The following ILF2 variants were observed in gnomAD, a reference collection of about 807,000 sequenced individuals.
ILF2 encodes the protein interleukin enhancer binding factor 2.
Under a neutral mutation model 55.3 loss-of-function variants are expected in ILF2, and 9 were observed. The ratio of observed to expected loss-of-function variants is 0.16; its 90% confidence interval spans 0.10 to 0.28. The LOEUF is 0.28. Among genes scored for constraint, ILF2 ranks in the 10% least tolerant of loss-of-function variants. ILF2 has a pLI of 1.00. For missense variants in ILF2, 266 were observed against 474.9 expected, an observed-to-expected ratio of 0.56 and a Z score of 4.09; for synonymous variants, 151 against 161.8, an observed-to-expected ratio of 0.93 and a Z score of 0.50.
At position 153,664,205 on chromosome 1, in the gene ILF2, G is replaced by A; in HGVS notation, c.657-75C>T. 3 of 1,015,352 alleles carry A rather than the reference G, an allele frequency of 3.0e-6. 1 individual carries two copies. The South Asian group carries it at 4.2e-5, about 14-fold the overall frequency. The allele number at this position is 1,015,352 out of a possible 1,614,324, so 62.9% of individuals were successfully genotyped here. A position where few individuals can be genotyped will look rare whatever the true frequency, so the allele number is the denominator to read the frequency against. On this transcript the variant is annotated intron_variant, in intron 9 of 13. Transcript: ENST00000361891. ...CCATGCCTAAGGTAGAATTGAAGCT[G>A]ACTATGCTATTTCCAGAACTATACA...
intron 2 of ILF2, 106 bp downstream of exon 2, chr1:153,670,065 T>C (rs568661298): frequency 1.3e-5 from 16 of 1,238,096 alleles, no homozygotes; most frequent in African/African-American, 1.0e-4. Context: ...AAGACCACAG[T>C]TGGCTCTCGC....
intron 10 of ILF2, 50 bp downstream of exon 10, chr1:153,663,993 T>C (rs201707494): frequency 1.9e-4 from 74 of 391,354 alleles, no homozygotes; most frequent in Non-Finnish European, 2.6e-4. Flanking sequence ...CTACTACTAC[T>C]ACTAGTAAAT....
chr1:153,662,567 G>GA lies in ILF2; in HGVS notation c.1013-12dup. The GA allele has an allele frequency of 1.2e-6, 2 of 1,612,210 alleles. No homozygotes were observed. The highest frequency in any genetic ancestry group is 1.7e-6 in the Non-Finnish European group (2 of 1,178,588). On this transcript the variant is annotated splice_polypyrimidine_tract_variant and intron_variant, in intron 13 of 13. Transcript: ENST00000361891. ...TTTCAGAAGCAAGATCTAGGAAAGA[G>GA]AAAAAGGTGATTTAGACGAGTAGCC...
intron 3 of ILF2, among the ~76,000 whole-genome samples, chr1:153,669,225 G>C (rs1236693483): frequency 6.6e-6 from 1 of 152,060 alleles, no homozygotes; most frequent in Non-Finnish European, 1.5e-5. Context: ...GACAGAGTGA[G>C]ACTGTCTCAA....
intron 8 of ILF2, among the ~76,000 whole-genome samples, 190 bp from the exon 9 acceptor site, chr1:153,664,664 A>G (rs2101713330): frequency 6.6e-6 from 1 of 152,278 alleles, no homozygotes; most frequent in South Asian, 2.1e-4. Flanking sequence ...GGTTCGAGCA[A>G]TTCTCCTGCC....
intron 2 of ILF2, 144 bp from the exon 3 acceptor site, chr1:153,670,022 T>C: frequency 9.3e-7 from 1 of 1,072,382 alleles, no homozygotes; most frequent in Non-Finnish European, 1.4e-6. Context: ...CTTAGCATAG[T>C]GGGGCCAAAT....
chr1:153,662,407 T>C lies in ILF2; in HGVS notation c.1162A>G (p.Thr388Ala). The C allele has an allele frequency of 6.2e-7, 1 of 1,613,946 alleles. No individual in the cohort carries two copies. The highest frequency in any genetic ancestry group is 1.7e-5 in the Admixed American group (1 of 59,988). ...GAGTGAAGGGAATGTCACTCCTGAG[T>C]TTCCATGCTTTCTTCTTCCTCTCCT... ...PQGEEEESMETQE is the reference protein window; with the variant it reads ...PQGEEEESMEAQE Residue 388 changes from threonine to alanine, a missense_variant, in exon 14 of 14, where the codon ACT becomes GCT. Transcript: ENST00000361891.
chr1:153,669,815 T>G (rs1330836109), intron 3 of ILF2, 21 bp downstream of exon 3: 2 of 1,589,960 alleles, frequency 1.3e-6, no homozygotes, highest in East Asian at 2.2e-5. Context: ...AAAATGTGTA[T>G]CATTAACCCA....
chr1:153,667,071 G>A (rs1669329548), intron 6 of ILF2, among the ~76,000 whole-genome samples: 4 of 152,168 alleles, frequency 2.6e-5, no homozygotes, highest in South Asian at 2.1e-4. Context: ...GCAGTGAACC[G>A]AGATCACGCC....
chr1:153,664,499 A>T (rs1376450067), intron 8 of ILF2, 25 bp from the exon 9 acceptor site: 1 of 1,560,936 alleles, frequency 6.4e-7, no homozygotes, highest in Admixed American at 1.7e-5. Context: ...ATGATATGCC[A>T]GGATGAAACA....
At position 153,664,414 on chromosome 1, in the gene ILF2, T is replaced by C; in HGVS notation, c.638A>G (p.Glu213Gly). The C allele has an allele frequency of 6.2e-7, 1 of 1,614,084 alleles. No individual in the cohort carries two copies. The highest frequency in any genetic ancestry group is 8.5e-7 in the Non-Finnish European group (1 of 1,179,902). The change falls in exon 9 of 14, where the codon GAA becomes GGA. Residue 213 changes from glutamate to glycine, a missense_variant. Glu to Gly is a moderately conservative substitution (Grantham distance 98). Coordinates refer to ENST00000361891, the MANE Select transcript of ILF2 (RefSeq NM_004515.4). ...AAIRHARWFE[E>G]NASQSTVKVL... ...GACTCACGTGGACTGAGAAGCATTT[T>C]CCTCGAACCAGCGGGCATGTCGGAT...
chr1:153,663,508 T>G (rs1020654596), intron 10 of ILF2, among the ~76,000 whole-genome samples: 6 of 151,930 alleles, frequency 3.9e-5, no homozygotes, highest in African/African-American at 7.3e-5. Flanking sequence ...TTTTTTTTTT[T>G]CTCTTGTAGA....
rs370493923 is a variant in ILF2 at position 153,662,440 on chromosome 1, G to C, written c.1129C>G (p.Pro377Ala). Residue 377 changes from proline to alanine, a missense_variant, in exon 14 of 14, where the codon CCA becomes GCA. Physicochemically the swap from Pro to Ala is conservative, Grantham distance 27 (BLOSUM62 -1). Coordinates refer to ENST00000361891, the MANE Select transcript of ILF2 (RefSeq NM_004515.4). ...GEEEEENTEE[P>A]PQGEEEESME... ...CTTTCTTCTTCCTCTCCTTGAGGTG[G>C]TTCTTCTGTATTCTCCTCTTCTTCC... 56 of 1,612,840 alleles carry C rather than the reference G, an allele frequency of 3.5e-5. No individual in the cohort carries two copies. Among genetic ancestry groups the C allele is most frequent in the Non-Finnish European group, 4.3e-5 (51 of 1,178,946 alleles).
Position 153,667,662 on chromosome 1 carries a change from TG to T in ILF2, c.292-6del, listed in dbSNP as rs1449031629. Reference sequence around the variant, plus strand: ...CTGTCGAACTTCTTCAATTTGCTGTTGGAAAAAGGATTTCGGGGAAAAACAA... The same window carrying T: ...CTGTCGAACTTCTTCAATTTGCTGTTGAAAAAGGATTTCGGGGAAAAACAA... On this transcript the variant is annotated splice_polypyrimidine_tract_variant and splice_region_variant and intron_variant, in intron 5 of 13. Transcript: ENST00000361891. 1.9e-6 allele frequency: 3 copies of T among 1,584,578 alleles called. No individual in the cohort carries two copies. In the African/African-American group the frequency reaches 4.1e-5, roughly 22 times the overall value.
chr1:153,662,948 C>T (rs554101508), intron 12 of ILF2, 71 bp downstream of exon 12: 24 of 1,404,644 alleles, frequency 1.7e-5, no homozygotes, highest in Non-Finnish European at 2.2e-5. Flanking sequence ...GACCATATTC[C>T]GCTTTGCCTG....
intron 3 of ILF2, among the ~76,000 whole-genome samples, chr1:153,669,400 T>C (rs912582766): frequency 2.6e-5 from 4 of 152,190 alleles, no homozygotes; most frequent in African/African-American, 7.2e-5. Flanking sequence ...CTCCCCACCA[T>C]GCTTACACTG....
rs925185445 is a variant in ILF2, at chr1:153,662,306, A to G, written c.*90T>C. 3 of 1,529,330 alleles carry G rather than the reference A, an allele frequency of 2.0e-6. No individual in the cohort carries two copies. The African/African-American group carries it at 4.1e-5, about 21-fold the overall frequency. The allele number at this position is 1,529,330 out of a possible 1,614,324, so 94.7% of individuals were successfully genotyped here. A position where few individuals can be genotyped will look rare whatever the true frequency, so the allele number is the denominator to read the frequency against. On this transcript the variant is annotated 3_prime_UTR_variant, in exon 14 of 14. Coordinates refer to ENST00000361891, the MANE Select transcript of ILF2 (RefSeq NM_004515.4). ...TTCTTCCTGCTATCTTCCCTATCCC[A>G]CGGAAATGTCTGTCACCATGTAAAG...
chr1:153,670,826 G>T, intron 1 of ILF2, 92 bp downstream of exon 1: 1 of 1,447,688 alleles, frequency 6.9e-7, no homozygotes, highest in Non-Finnish European at 9.7e-7. Flanking sequence ...CCGGATACAT[G>T]GCCCTTTCTG....
At chr1:153,666,318 G>A (rs935318305) in intron 6 of ILF2, among the ~76,000 whole-genome samples, 1 of 152,154 alleles carries the variant, frequency 6.6e-6, no homozygotes, top group African/African-American at 2.4e-5. Context: ...CAAGTAGTGG[G>A]GATTACAGAC....
Sources: gnomAD v4.1 joint callset for allele counts (sites outside exome capture counted in the v4.1 genomes callset) on GRCh38, gnomAD v4.1.1 for gene constraint, MANE v1.5 for transcripts, NCBI Gene and HGNC (gene_info 2026-07-23, HGNC 2026-07-21) for gene names.